Variants in APBB2 observed in about 807,000 individuals in gnomAD.
APBB2 encodes Fe65-like 1.
In APBB2, 38 loss-of-function variants were observed where a neutral mutation model predicts 82.5. The ratio of observed to expected loss-of-function variants is 0.46; its 90% CI spans 0.36 to 0.60. APBB2 has a LOEUF of 0.60. Among genes scored for constraint, APBB2 ranks in the 20% least tolerant of loss-of-function variants. The pLI is 0.00. For missense variants in APBB2, 772 were observed against 972.3 expected (o/e 0.79, Z 2.74); for synonymous variants, 341 against 368.2 (o/e 0.93, Z 0.85).
rs752173866 is a variant in APBB2 at position 40,849,423 on chromosome 4, C to G, written c.1530-18846G>C. On this transcript the variant is annotated intron_variant, in intron 12 of 17. Transcript: ENST00000508593. ...GTCTAAATGAGAAATAGCTCCTCTG[C>G]TCCTGAAGAAATCAATATATAAATT... Among the ~76,000 whole-genome samples, 5 of 152,236 alleles carry G rather than the reference C, an allele frequency of 3.3e-5. 1 individual carries two copies. Among genetic ancestry groups the G allele is most frequent in the Non-Finnish European group, 7.3e-5 (5 of 68,044 alleles).
intron 10 of APBB2, among the ~76,000 whole-genome samples, chr4:40,906,696 A>T (rs1248505709): frequency 6.6e-6 from 1 of 152,066 alleles, no homozygotes; most frequent in Non-Finnish European, 1.5e-5. Context: ...CATCTTTTTT[A>T]AGTGTCCATA....
intron 12 of APBB2, among the ~76,000 whole-genome samples, chr4:40,836,510 C>T (rs767813871): frequency 6.6e-6 from 1 of 151,570 alleles, no homozygotes; most frequent in Non-Finnish European, 1.5e-5. Flanking sequence ...AAACAAAAAA[C>T]ATGTCAAACC....
At chr4:41,034,609 G>A (rs1191065263) in intron 4 of APBB2, among the ~76,000 whole-genome samples, 1 of 152,234 alleles carries the variant, frequency 6.6e-6, no homozygotes, top group Non-Finnish European at 1.5e-5. Flanking sequence ...ACAGGTGTGA[G>A]TCACGACACC....
chr4:41,038,515 T>C (rs907484860), intron 4 of APBB2, among the ~76,000 whole-genome samples: 1 of 152,066 alleles, frequency 6.6e-6, no homozygotes, highest in East Asian at 1.9e-4. Flanking sequence ...CCCGGATCTA[T>C]CGCAGATCTA....
intron 1 of APBB2, among the ~76,000 whole-genome samples, chr4:41,202,890 C>A (rs149343083): frequency 1.3e-5 from 2 of 152,164 alleles, no homozygotes; most frequent in African/African-American, 4.8e-5. Context: ...CAAACCTTCA[C>A]AAATGTTCGT....
intron 12 of APBB2, among the ~76,000 whole-genome samples, chr4:40,841,625 C>T (rs545085827): frequency 6.6e-6 from 1 of 152,018 alleles, no homozygotes; most frequent in African/African-American, 2.4e-5. Flanking sequence ...TAGTGCCAAC[C>T]CTTACCAATC....
chr4:41,061,064 C>T (rs1729654406), intron 4 of APBB2, among the ~76,000 whole-genome samples: 1 of 152,084 alleles, frequency 6.6e-6, no homozygotes, highest in South Asian at 2.1e-4. Flanking sequence ...CAGAGCCATG[C>T]CTCAGTTAGA....
chr4:41,013,070 C>T (rs1808846517), intron 6 of APBB2, among the ~76,000 whole-genome samples: 1 of 152,152 alleles, frequency 6.6e-6, no homozygotes, highest in Admixed American at 6.5e-5. Flanking sequence ...AAACACTCCT[C>T]AGTAAATGTC....
chr4:41,187,999 A>G (rs889109914), intron 1 of APBB2, among the ~76,000 whole-genome samples: 2 of 152,244 alleles, frequency 1.3e-5, no homozygotes, highest in South Asian at 2.1e-4. Flanking sequence ...TTTCCAATAC[A>G]TATTTATGCA....
At chr4:41,141,404 G>A (rs779669197) in intron 2 of APBB2, among the ~76,000 whole-genome samples, 15 of 152,100 alleles carry the variant, frequency 9.9e-5, no homozygotes, top group Non-Finnish European at 1.3e-4. Context: ...ATATGCATAC[G>A]AGTGTCCCTT....
At chr4:40,971,363 G>T (rs1166840878) in intron 6 of APBB2, among the ~76,000 whole-genome samples, 1 of 152,060 alleles carries the variant, frequency 6.6e-6, no homozygotes, top group African/African-American at 2.4e-5. Flanking sequence ...AGCTGAGAAG[G>T]CATGTTATAG....
At chr4:40,871,157 T>A (rs947727429) in intron 12 of APBB2, among the ~76,000 whole-genome samples, 1 of 150,336 alleles carries the variant, frequency 6.7e-6, no homozygotes, top group East Asian at 1.9e-4. Flanking sequence ...GTTTATTTTT[T>A]TTGAGACAGA....
At chr4:41,090,694 G>A (rs1378056142) in intron 3 of APBB2, among the ~76,000 whole-genome samples, 1 of 152,170 alleles carries the variant, frequency 6.6e-6, no homozygotes, top group African/African-American at 2.4e-5. Context: ...GATATTGAAA[G>A]GGGTCAGTAT....
At chr4:41,088,444 C>A (rs1740589625) in intron 3 of APBB2, among the ~76,000 whole-genome samples, 1 of 152,216 alleles carries the variant, frequency 6.6e-6, no homozygotes, top group Admixed American at 6.5e-5. Flanking sequence ...GTGGCTATTG[C>A]CATCGCAGCC....
chr4:40,923,255 G>T (rs904031546), intron 10 of APBB2, among the ~76,000 whole-genome samples: 18 of 152,304 alleles, frequency 1.2e-4, no homozygotes, highest in African/African-American at 4.3e-4. Flanking sequence ...GATTACAGGC[G>T]TGAGCCACGG....
rs777910826 is a variant in APBB2 at position 40,832,013 on chromosome 4, T to TATATATACACAC, written c.1530-1437_1530-1436insGTGTGTATATAT. Reference sequence around the variant, plus strand: ...ACACATATTTATATATTTATTTATATACACACACACACACACACACACACA... The same window carrying TATATATACACAC: ...ACACATATTTATATATTTATTTATATATATATACACACACACACACACACACACACACACACA... On this transcript the variant is annotated intron_variant, in intron 12 of 17. Coordinates refer to ENST00000508593, the MANE Select transcript of APBB2 (RefSeq NM_004307.2). This position sits in a 1 kb window ranked among gnomAD's most constrained non-coding sequence, Gnocchi z 4.8. Among the ~76,000 whole-genome samples the TATATATACACAC allele has an allele frequency of 4.0e-4, 56 of 138,980 alleles. No homozygotes were observed. Among genetic ancestry groups the TATATATACACAC allele is most frequent in the Middle Eastern group, 3.6e-3 (1 of 278 alleles). The allele number at this position is 138,980 out of a possible 152,430, so 91.2% of individuals were successfully genotyped here. A position where few individuals can be genotyped will look rare whatever the true frequency, so the allele number is the denominator to read the frequency against.
intron 5 of APBB2, among the ~76,000 whole-genome samples, chr4:41,021,396 G>C (rs938017708): frequency 1.3e-5 from 2 of 152,216 alleles, no homozygotes; most frequent in African/African-American, 4.8e-5. Context: ...GGGACTTGGA[G>C]AACTTTTCTG....
At chr4:41,047,169 G>A (rs944299199) in intron 4 of APBB2, among the ~76,000 whole-genome samples, 3 of 152,184 alleles carry the variant, frequency 2.0e-5, no homozygotes, top group South Asian at 4.1e-4. Context: ...GAGGTATTTT[G>A]AACTCAGTAG....
chr4:40,933,255 T>C (rs1784648365), intron 10 of APBB2, among the ~76,000 whole-genome samples: 1 of 152,192 alleles, frequency 6.6e-6, no homozygotes, highest in African/African-American at 2.4e-5. Flanking sequence ...CTCAGGGCCC[T>C]GTCCATATCT....
Sources: gnomAD v4.1 joint callset for allele counts (sites outside exome capture counted in the v4.1 genomes callset) on GRCh38, gnomAD v4.1.1 for gene constraint, Gnocchi (gnomAD v3.1) non-coding constraint, MANE v1.5 for transcripts, NCBI Gene and HGNC (gene_info 2026-07-23, HGNC 2026-07-21) for gene names.